The following UVSSA variants were observed in gnomAD, a reference collection of about 807,000 sequenced individuals.
UVSSA encodes the protein UV-stimulated scaffold protein A.
In UVSSA, 72 loss-of-function variants were observed where a neutral mutation model predicts 73.9. That is an observed-to-expected ratio of 0.97 (90% confidence interval 0.81 to 1.19). The LOEUF (loss-of-function observed/expected upper bound fraction) is 1.19. UVSSA is among the 50% of genes most tolerant of loss of function. UVSSA has a pLI of 0.00. For synonymous variants in UVSSA, 454 were observed against 391.3 expected, an observed-to-expected ratio of 1.16 and a Z score of -1.89; for missense variants, 1,150 against 965.0, an observed-to-expected ratio of 1.19 and a Z score of -2.54.
At chr4:1,389,687 C>CT (rs1469558652), downstream of UVSSA, 2 of 151,934 alleles carry the variant, frequency 1.3e-5, no homozygotes, top group African/African-American at 4.8e-5. Context: ...CCCTAATTTT[C>CT]TTTAAAATTT....
At chr4:1,351,598 C>G in intron 3 of UVSSA, 117 bp from the exon 4 acceptor site, 1 of 1,103,670 alleles carries the variant, frequency 9.1e-7, no homozygotes, top group Non-Finnish European at 1.3e-6. Context: ...ACCGTGTTAG[C>G]CAGGATGGTC....
rs1473072206 is a variant in UVSSA at position 1,354,791 on chromosome 4, G to A, written c.991G>A (p.Asp331Asn). ...DNLALIHAAR[D>N]TLKLIRNKFL... ...CCTTGCTCTCATCCACGCCGCCCGC[G>A]ACACACTCAAGCTCATCCGGAACAA... is the stretch of plus-strand genomic sequence containing the variant. The change falls in exon 6 of 14, where the codon GAC (aspartate) becomes AAC (asparagine). Residue 331 changes from aspartate to asparagine, a missense_variant. Transcript: ENST00000389851. 37 of 1,613,364 alleles carry A rather than the reference G, an allele frequency of 2.3e-5. No individual in the cohort carries two copies. Among genetic ancestry groups the A allele is most frequent in the Admixed American group, 8.3e-5 (5 of 59,972 alleles).
At position 1,385,922 on chromosome 4, in the gene UVSSA, C is replaced by T. The variant is rs529975173; in HGVS notation, c.2091C>T (p.His697=). ...TGAACCGGATGGACCAGAAGAAGCACGAGAAGTTTTCAAACCAGTTTAACT... is the reference window on the plus strand; with the variant it reads ...TGAACCGGATGGACCAGAAGAAGCATGAGAAGTTTTCAAACCAGTTTAACT... ...AAMNRMDQKK[H]EKFSNQFNYA... Residue 697 remains histidine (H), a synonymous_variant, in exon 14 of 14, where the codon CAC becomes CAT. Coordinates refer to ENST00000389851, the MANE Select transcript of UVSSA (RefSeq NM_020894.4). The T allele has an allele frequency of 2.8e-5, 45 of 1,613,938 alleles. No homozygotes were observed. The highest frequency in any genetic ancestry group is 3.6e-5 in the Non-Finnish European group (43 of 1,180,032).
rs562899849 is a variant in UVSSA, at chr4:1,385,912, A to G, written c.2081A>G (p.Gln694Arg). The G allele has an allele frequency of 6.8e-6, 11 of 1,614,080 alleles. No individual in the cohort carries two copies. In the South Asian group the frequency reaches 1.2e-4, roughly 18 times the overall value. ...RVVAAMNRMD[Q>R]KKHEKFSNQF... ...GTGGCAGCCATGAACCGGATGGACC[A>G]GAAGAAGCACGAGAAGTTTTCAAAC... The change falls in exon 14 of 14, where the codon CAG becomes CGG. Residue 694 changes from glutamine to arginine, a missense_variant. Gln to Arg is a conservative substitution (Grantham distance 43). Coordinates refer to ENST00000389851, the MANE Select transcript of UVSSA (RefSeq NM_020894.4).
Position 1,386,165 on chromosome 4 carries a change from C to T in UVSSA, c.*204C>T, listed in dbSNP as rs1322024261. On this transcript the variant is annotated 3_prime_UTR_variant, in exon 14 of 14. Coordinates refer to ENST00000389851, the MANE Select transcript of UVSSA (RefSeq NM_020894.4). ...CATCGTCTGGTGATGGGTCTGGCCT[C>T]GCAGAAGAGGCCCTCGGGCCTGGAG... The T allele has an allele frequency of 1.7e-6, 1 of 582,404 alleles. No individual in the cohort carries two copies. The highest frequency in any genetic ancestry group is 2.0e-5 in the South Asian group (1 of 50,532). The allele number at this position is 582,404 out of a possible 1,614,324, so 36.1% of individuals were successfully genotyped here.
chr4:1,349,573 C>G lies in UVSSA; in HGVS notation c.148C>G (p.Leu50Val), dbSNP rs780447499. The G allele has an allele frequency of 1.2e-6, 2 of 1,614,050 alleles. No homozygotes were observed. The highest frequency in any genetic ancestry group is 1.1e-5 in the South Asian group (1 of 91,086). The change falls in exon 3 of 14, where the codon CTG becomes GTG. Residue 50 changes from leucine (L) to valine (V), a missense_variant. By Grantham distance (32) the Leu-to-Val change is conservative. Coordinates refer to ENST00000389851, the MANE Select transcript of UVSSA (RefSeq NM_020894.4). Reference protein sequence around the residue: ...SRAYRLLIAQLTQEHAEIRLS... With the variant: ...SRAYRLLIAQVTQEHAEIRLS... The stretch of plus-strand genomic sequence containing the variant: ...CGCCTACCGCCTGCTGATAGCACAG[C>G]TGACCCAGGAGCACGCCGAGATCCG...
upstream of UVSSA, among the ~76,000 whole-genome samples, chr4:1,345,021 G>C (rs930031555): frequency 1.3e-5 from 2 of 152,214 alleles, no homozygotes; most frequent in Admixed American, 6.5e-5. Flanking sequence ...GACAGGTTTT[G>C]CCTTGCCCTG....
chr4:1,362,244 CT>C (rs1331413702), intron 7 of UVSSA, among the ~76,000 whole-genome samples: 1 of 152,236 alleles, frequency 6.6e-6, no homozygotes, highest in Admixed American at 6.5e-5. Flanking sequence ...CCCGCGGTGG[CT>C]GGGGTTCCTT....
intron 5 of UVSSA, chr4:1,354,489 G>C (rs897403942): frequency 3.7e-6 from 2 of 533,722 alleles, no homozygotes; most frequent in Admixed American, 6.3e-5. Context: ...CAGCCAAGGA[G>C]ACTGAGACAC....
chr4:1,373,301 CGA>C (rs1423601603), intron 8 of UVSSA, among the ~76,000 whole-genome samples: 3 of 152,146 alleles, frequency 2.0e-5, no homozygotes, highest in Non-Finnish European at 4.4e-5. Flanking sequence ...GTCTGATGTT[CGA>C]GGGCAGGAAG....
downstream of UVSSA, chr4:1,391,167 T>A (rs1720405944): frequency 6.5e-6 from 1 of 153,182 alleles, no homozygotes; most frequent in African/African-American, 2.4e-5. Flanking sequence ...TCTAGTGTTG[T>A]ATAGATGCCT....
intron 10 of UVSSA, 63 bp downstream of exon 10, chr4:1,376,231 G>A: frequency 6.6e-7 from 1 of 1,518,288 alleles, no homozygotes; most frequent in Non-Finnish European, 8.9e-7. Context: ...CTGAGGAGGG[G>A]GCTGCCGGCT....
At chr4:1,355,853 G>A (rs1043876342) in intron 7 of UVSSA, among the ~76,000 whole-genome samples, 4 of 152,150 alleles carry the variant, frequency 2.6e-5, no homozygotes, top group Admixed American at 1.3e-4. Context: ...AGCAGAGACC[G>A]TCGCATTGGG....
Position 1,394,794 on chromosome 4 carries a change from C to T in UVSSA, c.*8833C>T, listed in dbSNP as rs140260457. ...GCTCACATGTGCCGATGTGGAGTGC[C>T]ACCTGCTCACACACGTGCCCATGTG... On this transcript the variant is annotated 3_prime_UTR_variant, in exon 14 of 14. Coordinates refer to the UVSSA transcript ENST00000511216. 8.1e-5 allele frequency: 128 copies of T among 1,578,326 alleles called. 2 individuals carry two copies. In the African/African-American group the frequency reaches 1.5e-3, roughly 19 times the overall value.
At position 1,366,374 on chromosome 4, in the gene UVSSA, G is replaced by A. The variant is rs1325047871; in HGVS notation, c.1231G>A (p.Val411Ile). 8 of 1,613,378 alleles carry A rather than the reference G, an allele frequency of 5.0e-6. No individual in the cohort carries two copies. The Admixed American group carries it at 6.7e-5, about 13-fold the overall frequency. The change falls in exon 8 of 14, where the codon GTC becomes ATC. Residue 411 changes from valine (V) to isoleucine (I), a missense_variant. Coordinates refer to ENST00000389851, the MANE Select transcript of UVSSA (RefSeq NM_020894.4). ...EDEDDEDFVE[V>I]PEKEGYEPHI... ...TGAGGACGATGAGGACTTTGTGGAG[G>A]TCCCTGAGAAGGAGGGGTATGAGCC...
At chr4:1,379,968 C>T (rs1719269937) in intron 10 of UVSSA, 79 bp from the exon 11 acceptor site, 1 of 1,489,428 alleles carries the variant, frequency 6.7e-7, no homozygotes. Context: ...GTTTGGCCTT[C>T]CCCTGTGCCT....
In UVSSA at chr4:1,372,857, T is replaced by A. The variant is rs553528509; in HGVS notation, c.1289-2507T>A. On this transcript the variant is annotated intron_variant, in intron 8 of 13. Transcript: ENST00000389851. ...CGTCTCAGGGCACTCACCTCCCGCG[T>A]CCCTGCACTCACCTCCCGCGTCTCA... is the stretch of plus-strand genomic sequence containing the variant. Among the ~76,000 whole-genome samples the A allele has an allele frequency of 1.2e-4, 8 of 65,952 alleles. 1 individual carries two copies. The South Asian group carries it at 1.8e-3, about 15-fold the overall frequency. 43.3% of individuals were successfully genotyped at this position (65,952 alleles called of 152,430 possible).
chr4:1,370,452 C>T (rs1717894328), intron 8 of UVSSA, among the ~76,000 whole-genome samples: 2 of 152,260 alleles, frequency 1.3e-5, no homozygotes, highest in South Asian at 4.1e-4. Flanking sequence ...CCATCACCTG[C>T]TCTGTGTGGC....
At chr4:1,364,233 C>T (rs1159802398) in intron 7 of UVSSA, among the ~76,000 whole-genome samples, 2 of 79,204 alleles carry the variant, frequency 2.5e-5, no homozygotes, top group African/African-American at 1.0e-4. Flanking sequence ...GCCCGGGCCC[C>T]GTGGCCTTGT....
Sources: allele counts gnomAD v4.1 joint callset (sites outside exome capture counted in the v4.1 genomes callset), GRCh38; gene constraint gnomAD v4.1.1; transcripts MANE v1.5; gene names NCBI Gene and HGNC (gene_info 2026-07-23, HGNC 2026-07-21).